GRAMD1C: variants seen among roughly 807,000 people sequenced by gnomAD.
GRAMD1C encodes the protein protein Aster-C.
GRAMD1C carries 89 observed loss-of-function variants against 97.8 expected under a neutral mutation model. That is an observed-to-expected ratio of 0.91 (90% CI 0.77 to 1.09). The LOEUF is 1.09. GRAMD1C is among the 50% of genes least tolerant of loss of function. The pLI is 0.00. For missense variants in GRAMD1C, 740 were observed against 766.4 expected, an observed-to-expected ratio of 0.97 and a Z score of 0.41; for synonymous variants, 256 against 267.0, an observed-to-expected ratio of 0.96 and a Z score of 0.40.
chr3:113,929,841 C>G (rs1937346744), intron 10 of GRAMD1C, among the ~76,000 whole-genome samples: 1 of 152,058 alleles, frequency 6.6e-6, no homozygotes, highest in South Asian at 2.1e-4. Flanking sequence ...TCACTTCCTT[C>G]CTTTGATGAT....
At chr3:113,831,418 C>T (rs1482203686) in intron 1 of GRAMD1C, among the ~76,000 whole-genome samples, 2 of 27,964 alleles carry the variant, frequency 7.2e-5, no homozygotes, top group African/African-American at 1.8e-4. Context: ...TATTGTTTTG[C>T]ACCTTACTTT....
At chr3:113,856,638 C>T (rs911154137) in intron 2 of GRAMD1C, among the ~76,000 whole-genome samples, 13 of 152,196 alleles carry the variant, frequency 8.5e-5, no homozygotes, top group African/African-American at 3.1e-4. Context: ...CTCCTGAGTT[C>T]AAGCAATTCT....
intron 1 of GRAMD1C, among the ~76,000 whole-genome samples, chr3:113,833,134 T>TTTG (rs1709582608): frequency 6.7e-6 from 1 of 149,274 alleles, no homozygotes; most frequent in African/African-American, 2.5e-5. Context: ...TTTTTTTTTT[T>TTTG]TGTGTGTGTG....
intron 2 of GRAMD1C, among the ~76,000 whole-genome samples, chr3:113,857,248 A>C (rs1419804161): frequency 6.6e-6 from 1 of 152,166 alleles, no homozygotes; most frequent in African/African-American, 2.4e-5. Flanking sequence ...AAGAACGGTG[A>C]GAGTGGACAT....
chr3:113,926,596 T>C (rs773176625), intron 10 of GRAMD1C, among the ~76,000 whole-genome samples: 6 of 152,204 alleles, frequency 3.9e-5, no homozygotes, highest in Non-Finnish European at 7.3e-5. Context: ...ACTTTTTGAG[T>C]TGCTAGAGTT....
chr3:113,846,694 A>C (rs1267208903), intron 2 of GRAMD1C, among the ~76,000 whole-genome samples: 1 of 152,174 alleles, frequency 6.6e-6, no homozygotes, highest in Non-Finnish European at 1.5e-5. Flanking sequence ...CCTCAGACTT[A>C]CTGGATCACA....
chr3:113,875,374 T>C (rs1239696625), intron 3 of GRAMD1C, 110 bp from the exon 4 acceptor site: 2 of 629,354 alleles, frequency 3.2e-6, no homozygotes, highest in Non-Finnish European at 5.7e-6. Flanking sequence ...AATGAATGAA[T>C]GAACTAATGA....
At chr3:113,920,934 C>A (rs568428300) in intron 10 of GRAMD1C, among the ~76,000 whole-genome samples, 12 of 152,252 alleles carry the variant, frequency 7.9e-5, no homozygotes, top group Non-Finnish European at 1.8e-4. Flanking sequence ...CTTTTAGTTT[C>A]AAGGGTACAT....
chr3:113,919,787 G>A, intron 10 of GRAMD1C: 1 of 611,188 alleles, frequency 1.6e-6, no homozygotes, highest in South Asian at 1.4e-5. Flanking sequence ...TTTAAAGCAT[G>A]TAATTGTTGG....
chr3:113,915,859 C>A (rs1392645327), intron 10 of GRAMD1C, 21 bp downstream of exon 10: 1 of 1,575,546 alleles, frequency 6.3e-7, no homozygotes, highest in Admixed American at 1.7e-5. Flanking sequence ...GTGTTCTTAC[C>A]TAATGATAAA....
chr3:113,843,792 T>G (rs1238731433), intron 1 of GRAMD1C, among the ~76,000 whole-genome samples: 1 of 152,234 alleles, frequency 6.6e-6, no homozygotes, highest in Admixed American at 6.5e-5. Flanking sequence ...ACTCCATTGT[T>G]TGTATAAATC....
chr3:113,882,958 T>G (rs1935319714), intron 6 of GRAMD1C, 126 bp downstream of exon 6: 2 of 506,386 alleles, frequency 3.9e-6, no homozygotes, highest in Non-Finnish European at 7.2e-6. Context: ...AAGTAGAAAC[T>G]TCAATCAAAG....
chr3:113,830,967 C>T (rs1386451823), intron 1 of GRAMD1C, among the ~76,000 whole-genome samples: 1 of 152,126 alleles, frequency 6.6e-6, no homozygotes, highest in African/African-American at 2.4e-5. Context: ...TGATGGTATG[C>T]ACTTGAGACT....
At chr3:113,845,731 A>G (rs1933578053) in intron 2 of GRAMD1C, among the ~76,000 whole-genome samples, 1 of 152,108 alleles carries the variant, frequency 6.6e-6, no homozygotes, top group South Asian at 2.1e-4. Context: ...AAATAAAAAT[A>G]AATCTCATCT....
chr3:113,932,554 T>C (rs959053432), intron 11 of GRAMD1C, among the ~76,000 whole-genome samples: 1 of 152,224 alleles, frequency 6.6e-6, no homozygotes, highest in Non-Finnish European at 1.5e-5. Context: ...CTTCATTCAA[T>C]TGATTTTTGA....
At chr3:113,857,794 T>C (rs1239485237) in intron 2 of GRAMD1C, among the ~76,000 whole-genome samples, 1 of 152,228 alleles carries the variant, frequency 6.6e-6, no homozygotes, top group East Asian at 1.9e-4. Flanking sequence ...TATGGTGGGT[T>C]ACATTGATTG....
At chr3:113,916,936 C>T (rs960272863) in intron 10 of GRAMD1C, among the ~76,000 whole-genome samples, 1 of 151,926 alleles carries the variant, frequency 6.6e-6, no homozygotes, top group African/African-American at 2.4e-5. Context: ...ATTGCTCGAG[C>T]CCAGGAGTTT....
At chr3:113,890,614 C>T in intron 6 of GRAMD1C, 1 of 575,692 alleles carries the variant, frequency 1.7e-6, no homozygotes, top group Admixed American at 2.6e-5. Flanking sequence ...GGCTACCCCA[C>T]CCCAAATACT....
At chr3:113,927,560 C>T (rs930554603) in intron 10 of GRAMD1C, among the ~76,000 whole-genome samples, 2 of 152,196 alleles carry the variant, frequency 1.3e-5, no homozygotes, top group African/African-American at 4.8e-5. Flanking sequence ...AGCTGTGGGA[C>T]TGGATGTGGT....
Sources: gnomAD v4.1 joint callset for allele counts (sites outside exome capture counted in the v4.1 genomes callset) on GRCh38, gnomAD v4.1.1 for gene constraint, MANE v1.5 for transcripts, NCBI Gene and HGNC (gene_info 2026-07-23, HGNC 2026-07-21) for gene names.